The following MARF1 variants were observed in gnomAD, a reference collection of about 807,000 sequenced individuals.
MARF1 encodes the protein limkain-b1.
Under a neutral mutation model 168.2 loss-of-function variants are expected in MARF1, and 24 were observed. That is an observed-to-expected ratio of 0.14 (90% confidence interval 0.10 to 0.20). The LOEUF (loss-of-function observed/expected upper bound fraction) is 0.20. MARF1 is among the 10% of genes least tolerant of loss of function. The pLI, the probability that MARF1 is intolerant of heterozygous loss-of-function variation, is 1.00. For synonymous variants in MARF1, 868 were observed against 822.4 expected (o/e 1.06, Z -0.95); for missense variants, 1,744 against 2,143.6 (o/e 0.81, Z 3.68).
chr16:15,624,170 C>T (rs1381447350), intron 10 of MARF1, among the ~76,000 whole-genome samples: 2 of 152,122 alleles, frequency 1.3e-5, no homozygotes, highest in Non-Finnish European at 2.9e-5. Context: ...CCTCCCGCCT[C>T]GGCCTCCCAA....
At chr16:15,626,136 A>G (rs1209043199) in intron 7 of MARF1, among the ~76,000 whole-genome samples, 1 of 152,196 alleles carries the variant, frequency 6.6e-6, no homozygotes, top group Non-Finnish European at 1.5e-5. Flanking sequence ...AAAAATAAAA[A>G]TAAAAAAGAA....
At chr16:15,619,127 A>G (rs774268626) in intron 13 of MARF1, among the ~76,000 whole-genome samples, 3 of 152,144 alleles carry the variant, frequency 2.0e-5, no homozygotes, top group Non-Finnish European at 4.4e-5. Context: ...ATTAAAAAAT[A>G]TTAACTGGGC....
At chr16:15,612,877 G>A (rs2033692639) in intron 16 of MARF1, 100 bp from the exon 17 acceptor site, 1 of 964,718 alleles carries the variant, frequency 1.0e-6, no homozygotes, top group South Asian at 1.4e-5. Flanking sequence ...TCGATCATGG[G>A]GAAGCAAACA....
chr16:15,636,382 G>A (rs1319253236), intron 2 of MARF1, 40 bp from the exon 3 acceptor site: 3 of 1,480,284 alleles, frequency 2.0e-6, no homozygotes, highest in Admixed American at 2.3e-5. Context: ...ATTTTATGAG[G>A]TCCGTGGTTT....
chr16:15,623,986 AC>A (rs1182183037), intron 10 of MARF1, among the ~76,000 whole-genome samples: 1 of 145,194 alleles, frequency 6.9e-6, no homozygotes, highest in East Asian at 2.0e-4. Flanking sequence ...ATCTGAGCTC[AC>A]TGCAACCTCC....
chr16:15,626,148 A>G (rs1248347302), intron 7 of MARF1, among the ~76,000 whole-genome samples: 5 of 152,152 alleles, frequency 3.3e-5, no homozygotes, highest in African/African-American at 9.7e-5. Context: ...AAAAAAGAAT[A>G]TGCTAGGCAC....
chr16:15,607,348 A>G (rs893574155), intron 21 of MARF1, among the ~76,000 whole-genome samples: 3 of 152,186 alleles, frequency 2.0e-5, no homozygotes, highest in Non-Finnish European at 4.4e-5. Flanking sequence ...CAGGAGTTCG[A>G]GATCAGCCTG....
chr16:15,601,588 CCTT>C (rs1361600173), intron 23 of MARF1: 13 of 290,444 alleles, frequency 4.5e-5, no homozygotes, highest in East Asian at 2.3e-4. Context: ...TCTCTCCCCT[CCTT>C]GTCACGTGCT....
In MARF1 at chr16:15,609,696, T is replaced by G. The variant is rs2033349192; in HGVS notation, c.3781A>C (p.Lys1261Gln). ...TCAACGACATCCTTGGAGAACTGTT[T>G]TGTCCTTTCTATTTCATCCTGAGTG... is the stretch of plus-strand genomic sequence containing the variant. ...ERTQDEIERT[K>Q]QFSKDVVDLL... The change falls in exon 20 of 27, where the codon AAA becomes CAA. Residue 1261 changes from lysine (K) to glutamine (Q), a missense_variant. Physicochemically the swap from Lys to Gln is moderately conservative, Grantham distance 53 (BLOSUM62 1). Transcript: ENST00000396368. 6.2e-7 allele frequency: 1 copy of G among 1,614,000 alleles called. No homozygotes were observed. Among genetic ancestry groups the G allele is most frequent in the African/African-American group, 1.3e-5 (1 of 74,906 alleles).
rs763379660 is a variant in MARF1 at position 15,636,124 on chromosome 16, G to GCCACCA, written c.357_362dup (p.Gly121_Gly122dup). ...TCAAGCTACTGGTACCTCCGCTACC[G>GCCACCA]CCACCACCACCACCAAAACGCATTG... On this transcript the variant is annotated inframe_insertion, in exon 3 of 27. Transcript: ENST00000396368. 4.3e-6 allele frequency: 7 copies of GCCACCA among 1,614,132 alleles called. No individual in the cohort carries two copies. Among genetic ancestry groups the GCCACCA allele is most frequent in the Non-Finnish European group, 5.9e-6 (7 of 1,179,982 alleles).
At chr16:15,638,939 T>A in intron 2 of MARF1, 151 bp downstream of exon 2, 2 of 584,346 alleles carry the variant, frequency 3.4e-6, no homozygotes, top group Non-Finnish European at 5.5e-6. Flanking sequence ...TGCTCTCACA[T>A]TATAATGTGG....
Position 15,642,857 on chromosome 16 carries a change from G to T in MARF1, c.-59+161C>A, listed in dbSNP as rs2036125449. ...AAGGGAGACAAGCCAACTCTTTCGT[G>T]GGGGGCCCAACTGGCGCGTCCCAGT... is the stretch of plus-strand genomic sequence containing the variant. On this transcript the variant is annotated intron_variant, in intron 1 of 26. Coordinates refer to ENST00000396368, the MANE Select transcript of MARF1 (RefSeq NM_014647.4). 1.3e-5 allele frequency among the ~76,000 whole-genome samples: 2 copies of T among 152,152 alleles called. 1 individual carries two copies. The highest frequency in any genetic ancestry group is 4.2e-4 in the South Asian group (2 of 4,818).
chr16:15,599,201 A>G, intron 25 of MARF1, 177 bp from the exon 26 acceptor site: 1 of 646,478 alleles, frequency 1.5e-6, no homozygotes, highest in Non-Finnish European at 2.7e-6. Flanking sequence ...CACTAACAGG[A>G]AGATCCTGGT....
Position 15,621,875 on chromosome 16 carries a change from G to T in MARF1, c.2497C>A (p.Gln833Lys). ...SVELSPHTDY[Q>K]LKAVVQMENL... Reference sequence around the variant, plus strand: ...TCCATTTGCACAACAGCCTTGAGTTGATAATCTGTATGGGGGCTGAGCTCA... The same window carrying T: ...TCCATTTGCACAACAGCCTTGAGTTTATAATCTGTATGGGGGCTGAGCTCA... The change falls in exon 12 of 27, where the codon CAA (glutamine) becomes AAA (lysine). Residue 833 changes from glutamine (Q) to lysine (K), a missense_variant. Around this residue, in one of 7 missense-constraint regions of MARF1, gnomAD observed 543 missense variants for 742.1 expected, o/e 0.73. Transcript: ENST00000396368. The T allele has an allele frequency of 4.3e-6, 7 of 1,614,106 alleles. No homozygotes were observed. Among genetic ancestry groups the T allele is most frequent in the Non-Finnish European group, 5.1e-6 (6 of 1,180,002 alleles).
Position 15,613,424 on chromosome 16 carries a change from C to T in MARF1, c.3254-647G>A, listed in dbSNP as rs141783756. 3.3e-3 allele frequency among the ~76,000 whole-genome samples: 504 copies of T among 151,692 alleles called. 18 individuals carry two copies. In the East Asian group the frequency reaches 0.085, roughly 26 times the overall value. ...CAGCACTTTGGGAGGCTGAGGCGGGCGGATCACGAGGTCAGGAGATCGAGA... is the reference window on the plus strand; with the variant it reads ...CAGCACTTTGGGAGGCTGAGGCGGGTGGATCACGAGGTCAGGAGATCGAGA... On this transcript the variant is annotated intron_variant, in intron 16 of 26. Transcript: ENST00000396368.
chr16:15,605,419 G>A (rs1431920135), intron 21 of MARF1, among the ~76,000 whole-genome samples: 3 of 152,150 alleles, frequency 2.0e-5, no homozygotes, highest in Non-Finnish European at 2.9e-5. Context: ...CCAGAGCCAA[G>A]GCAGGAGGGA....
In MARF1 at chr16:15,633,853, T is replaced by C. The variant is rs766872129; in HGVS notation, c.1007-10A>G. On this transcript the variant is annotated splice_polypyrimidine_tract_variant and intron_variant, in intron 4 of 26. Transcript: ENST00000396368. The stretch of plus-strand genomic sequence containing the variant: ...GCAACTTCTGGTGACCCTTAAGAAA[T>C]GTTAACATTTTCAATTACTTGTAGT... 3 of 1,584,610 alleles carry C rather than the reference T, an allele frequency of 1.9e-6. No individual in the cohort carries two copies. Among genetic ancestry groups the C allele is most frequent in the Non-Finnish European group, 2.6e-6 (3 of 1,161,564 alleles).
At chr16:15,599,580 CAG>C (rs1369453543) in intron 25 of MARF1, among the ~76,000 whole-genome samples, 3 of 152,306 alleles carry the variant, frequency 2.0e-5, no homozygotes, top group Middle Eastern at 6.8e-3. Flanking sequence ...CCTAAGGGCA[CAG>C]GGGACGGTAA....
intron 2 of MARF1, among the ~76,000 whole-genome samples, chr16:15,638,729 A>G (rs1368189355): frequency 6.6e-6 from 1 of 152,234 alleles, no homozygotes; most frequent in African/African-American, 2.4e-5. Context: ...TTCCTAGATT[A>G]TAGACTCAAA....
Sources: allele counts gnomAD v4.1 joint callset (sites outside exome capture counted in the v4.1 genomes callset), GRCh38; gene constraint gnomAD v4.1.1; regional missense constraint gnomAD v4.1.1; transcripts MANE v1.5; gene names NCBI Gene and HGNC (gene_info 2026-07-23, HGNC 2026-07-21).